The following GPATCH3 variants were observed in gnomAD, a reference collection of about 807,000 sequenced individuals.
GPATCH3 encodes the protein G patch domain-containing protein 3.
A neutral mutation model predicts 53.2 loss-of-function variants in GPATCH3; 45 were observed. That is an observed-to-expected ratio of 0.85 (90% CI 0.67 to 1.08). GPATCH3 has a LOEUF of 1.08. Ranked by LOEUF, GPATCH3 falls within the 50% of genes least tolerant of loss-of-function variation. The pLI, the probability that GPATCH3 is intolerant of heterozygous loss-of-function variation, is 0.00. For missense variants in GPATCH3, 680 were observed against 687.2 expected (o/e 0.99, Z 0.12); for synonymous variants, 280 against 270.6 (o/e 1.03, Z -0.34).
At chr1:26,891,696 G>A (rs1238204454) in intron 6 of GPATCH3, among the ~76,000 whole-genome samples, 1 of 149,170 alleles carries the variant, frequency 6.7e-6, no homozygotes, top group Non-Finnish European at 1.5e-5. Context: ...ACAGGCGCAT[G>A]CCACCATGCC....
chr1:26,897,437 TG>T lies in GPATCH3; in HGVS notation c.739del (p.Gln247ArgfsTer64), dbSNP rs1237196238. ...FEYEDSETVE[Q>X]EELVYTAEGE... ...CTCTGCTGTATACACAAGCTCTTCC[TG>T]CTCCACAGTCTCTGAGTCCTCATAC... is the stretch of plus-strand genomic sequence containing the variant. On this transcript the variant is annotated frameshift_variant, in exon 2 of 7. Coordinates refer to ENST00000361720, the MANE Select transcript of GPATCH3 (RefSeq NM_022078.3). LOFTEE classifies it high-confidence loss of function. The T allele has an allele frequency of 1.6e-5, 26 of 1,614,120 alleles. No homozygotes were observed.
intron 3 of GPATCH3, 39 bp downstream of exon 3, chr1:26,894,187 AAGAATGCAGC>A: frequency 6.3e-7 from 1 of 1,581,074 alleles, no homozygotes; most frequent in South Asian, 1.1e-5. Flanking sequence ...GGAACCCCAA[AAGAATGCAGC>A]AGGGGTCACC....
intron 3 of GPATCH3, 37 bp downstream of exon 3, chr1:26,894,199 G>A (rs777164010): frequency 3.1e-6 from 5 of 1,600,268 alleles, no homozygotes; most frequent in Non-Finnish European, 4.3e-6. Context: ...GAATGCAGCA[G>A]GGGTCACCCC....
At chr1:26,892,367 C>G (rs1220284250) in intron 6 of GPATCH3, 44 bp downstream of exon 6, 2 of 1,592,384 alleles carry the variant, frequency 1.3e-6, no homozygotes, top group Admixed American at 3.4e-5. Context: ...CAGGGCATAG[C>G]TGAAAGGCTT....
chr1:26,894,575 G>A (rs1331903168), intron 2 of GPATCH3, among the ~76,000 whole-genome samples, 165 bp from the exon 3 acceptor site: 4 of 152,072 alleles, frequency 2.6e-5, no homozygotes, highest in African/African-American at 9.7e-5. Context: ...TCTCCAGCCC[G>A]ATAATTCTCA....
intron 1 of GPATCH3, among the ~76,000 whole-genome samples, chr1:26,898,069 G>A (rs2081958920): frequency 6.6e-6 from 1 of 152,188 alleles, no homozygotes; most frequent in South Asian, 2.1e-4. Flanking sequence ...CCTGGGAGGT[G>A]AGGCTGTAGT....
chr1:26,898,052 G>A (rs1055024111), intron 1 of GPATCH3, among the ~76,000 whole-genome samples: 2 of 152,178 alleles, frequency 1.3e-5, no homozygotes. Flanking sequence ...CAGGAGGATT[G>A]CTTGAGCCTG....
intron 1 of GPATCH3, among the ~76,000 whole-genome samples, chr1:26,898,580 C>T (rs538718770): frequency 3.9e-5 from 6 of 152,010 alleles, no homozygotes; most frequent in African/African-American, 1.2e-4. Context: ...TTTTGATTCT[C>T]GGCTGTCACC....
chr1:26,891,054 TCACAAAGGCCATGTCTGTC>T lies in GPATCH3; in HGVS notation c.1515_1533del (p.Thr506GlyfsTer23). 6.2e-7 allele frequency: 1 copy of T among 1,613,992 alleles called. No individual in the cohort carries two copies. Among genetic ancestry groups the T allele is most frequent in the Non-Finnish European group, 8.5e-7 (1 of 1,180,010 alleles). ...CTGTCTGAAGCACAACTGGAACCCC[TCACAAAGGCCATGTCTGTC>T]CGAAACTTCATGCTGGTGGGTGGCT... On this transcript the variant is annotated frameshift_variant, in exon 7 of 7. Transcript: ENST00000361720. LOFTEE classifies it high-confidence loss of function.
In GPATCH3 at chr1:26,900,294, C is replaced by A. The variant is rs772863249; in HGVS notation, c.149G>T (p.Arg50Leu). 27 of 1,613,792 alleles carry A rather than the reference C, an allele frequency of 1.7e-5. No individual in the cohort carries two copies. The South Asian group carries it at 2.3e-4, about 14-fold the overall frequency. The change falls in exon 1 of 7, where the codon CGG becomes CTG. Residue 50 changes from arginine (R) to leucine (L), a missense_variant. Physicochemically the swap from Arg to Leu is moderately radical, Grantham distance 102. Coordinates refer to ENST00000361720, the MANE Select transcript of GPATCH3 (RefSeq NM_022078.3). ...CGGAGGGGCCCGCTCAGGCCGATGC[C>A]GGTAGTGGAAACAGAGGAAGCCACC... ...RGGGFLCFHYRHRPERAPPQA... is the reference protein window; with the variant it reads ...RGGGFLCFHYLHRPERAPPQA...
At chr1:26,896,551 T>A in intron 2 of GPATCH3, among the ~76,000 whole-genome samples, 1 of 137,560 alleles carries the variant, frequency 7.3e-6, no homozygotes. Flanking sequence ...AAAAAAAAAA[T>A]TAGCCGGGCG....
Position 26,892,663 on chromosome 1 carries a change from A to C in GPATCH3, c.1233+7T>G. The C allele has an allele frequency of 6.2e-7, 1 of 1,614,168 alleles. No homozygotes were observed. On this transcript the variant is annotated splice_region_variant and intron_variant, in intron 5 of 6. Coordinates refer to ENST00000361720, the MANE Select transcript of GPATCH3 (RefSeq NM_022078.3). ...GGGTCCATGGGGTGGGCACAGTGCT[A>C]ACTCACCTTGGTGTGGCGCTCAAAG...
At chr1:26,892,867 C>G in intron 4 of GPATCH3, 76 bp from the exon 5 acceptor site, 1 of 1,545,282 alleles carries the variant, frequency 6.5e-7, no homozygotes, top group African/African-American at 1.4e-5. Flanking sequence ...AGGACCCCCT[C>G]GTAAGATTGA....
chr1:26,894,939 C>T (rs2081944145), intron 2 of GPATCH3, among the ~76,000 whole-genome samples: 1 of 152,114 alleles, frequency 6.6e-6, no homozygotes, highest in Non-Finnish European at 1.5e-5. Context: ...TACCATTATT[C>T]CCATTCTACA....
intron 6 of GPATCH3, among the ~76,000 whole-genome samples, chr1:26,891,534 T>A (rs115405529): frequency 0.034 from 4,823 of 140,242 alleles, 115 homozygotes; most frequent in Non-Finnish European, 0.051. Flanking sequence ...AAAAAAAAAG[T>A]CAGATTTACT....
At chr1:26,892,588 A>C in intron 5 of GPATCH3, 50 bp from the exon 6 acceptor site, 1 of 1,606,846 alleles carries the variant, frequency 6.2e-7, no homozygotes, top group South Asian at 1.1e-5. Flanking sequence ...TGCTGGGAGC[A>C]GGGAGAATGG....
chr1:26,899,852 T>G, intron 1 of GPATCH3, 140 bp downstream of exon 1: 1 of 736,322 alleles, frequency 1.4e-6, no homozygotes, highest in Non-Finnish European at 2.2e-6. Context: ...TCCCTGCAAG[T>G]TGAGCCTGAA....
intron 1 of GPATCH3, among the ~76,000 whole-genome samples, chr1:26,898,386 C>T (rs1236440257): frequency 1.3e-5 from 2 of 152,078 alleles, no homozygotes; most frequent in East Asian, 1.9e-4. Flanking sequence ...GGTGCAATCT[C>T]AGCTCACCGC....
chr1:26,894,106 A>G (rs1378144766), intron 3 of GPATCH3, 130 bp downstream of exon 3: 3 of 847,246 alleles, frequency 3.5e-6, no homozygotes, highest in Admixed American at 5.3e-5. Flanking sequence ...TCTCTCGTAT[A>G]CAATAGAGGT....
Sources: allele counts gnomAD v4.1 joint callset (sites outside exome capture counted in the v4.1 genomes callset), GRCh38; gene constraint gnomAD v4.1.1; transcripts MANE v1.5; gene names NCBI Gene and HGNC (gene_info 2026-07-23, HGNC 2026-07-21).